STS: variants seen among roughly 807,000 people sequenced by gnomAD.
STS encodes the protein steroid sulfatase, also known as steryl-sulfatase.
STS carries 7 observed loss-of-function variants against 26.8 expected under a neutral mutation model. That is an observed-to-expected ratio of 0.26 (90% confidence interval 0.15 to 0.49). The LOEUF (loss-of-function observed/expected upper bound fraction) is 0.49, where lower values mean the gene tolerates loss of function less well. Among genes scored for constraint, STS ranks in the 20% least tolerant of loss-of-function variants. STS has a pLI of 0.98. For synonymous variants in STS, 199 were observed against 189.4 expected (o/e 1.05, Z -0.42); for missense variants, 434 against 465.6 (o/e 0.93, Z 0.63).
At chrX:7,238,773 A>G (rs1922451278) in intron 2 of STS, among the ~76,000 whole-genome samples, 2 of 111,165 alleles carry the variant, frequency 1.8e-5, no homozygotes, top group Admixed American at 1.9e-4. Context: ...TCAAGGCTGC[A>G]GTGAGCTGTG....
chrX:7,270,118 G>A (rs752273666), intron 6 of STS, among the ~76,000 whole-genome samples: 1 of 112,119 alleles, frequency 8.9e-6, no homozygotes, highest in Admixed American at 9.5e-5. Flanking sequence ...AACAAATGGA[G>A]CGCAGGCATG....
chrX:7,283,348 G>A (rs1485554894), intron 7 of STS, among the ~76,000 whole-genome samples: 2 of 111,850 alleles, frequency 1.8e-5, no homozygotes, highest in Non-Finnish European at 3.8e-5. Flanking sequence ...GAATTCAGGA[G>A]CAAAGAGCAT....
At chrX:7,348,770 C>T (rs1205473026) in intron 10 of STS, among the ~76,000 whole-genome samples, 2 of 111,337 alleles carry the variant, frequency 1.8e-5, no homozygotes, top group Non-Finnish European at 3.8e-5. Context: ...ATTTGGAATT[C>T]CTAGCAGCTT....
intron 7 of STS, among the ~76,000 whole-genome samples, chrX:7,291,125 C>T (rs1187079633): frequency 9.0e-6 from 1 of 111,394 alleles, no homozygotes; most frequent in Non-Finnish European, 1.9e-5. Flanking sequence ...ATAACTTTGT[C>T]ATCTGAGATC....
chrX:7,276,198 G>A lies in STS; in HGVS notation c.943+111G>A, dbSNP rs977656731. On this transcript the variant is annotated intron_variant, in intron 7 of 10. Coordinates refer to ENST00000674429, the MANE Select transcript of STS (RefSeq NM_001320752.2). ...CCTGATGCCTTTAGAGACAGCAAAT[G>A]TATGGGGTTTTTTGAAAGTAACCAA... is the stretch of plus-strand genomic sequence containing the variant. 22 of 1,022,466 alleles carry A rather than the reference G, an allele frequency of 2.2e-5. No homozygotes were observed. The African/African-American group carries it at 3.6e-4, about 17-fold the overall frequency. The allele number at this position is 1,022,466 out of a possible 1,213,427, so 84.3% of individuals were successfully genotyped here.
intron 2 of STS, among the ~76,000 whole-genome samples, chrX:7,244,967 A>G (rs1282298275): frequency 8.9e-6 from 1 of 112,368 alleles, no homozygotes; most frequent in Non-Finnish European, 1.9e-5. Context: ...TTATTTTAAA[A>G]TAAGAAAAGT....
At chrX:7,150,245 A>G (rs1430319185) in intron 1 of STS, among the ~76,000 whole-genome samples, 2 of 111,882 alleles carry the variant, frequency 1.8e-5, no homozygotes, top group African/African-American at 3.2e-5. Flanking sequence ...TTTATGAGAC[A>G]GAGTCTCACT....
At position 7,240,531 on chromosome X, in the gene STS, GTGTATATA is replaced by G. The variant is rs1314053378; in HGVS notation, c.-4-12663_-4-12656del. ...TGTGTGTGTGTGTGTGTGTGTGTGT[GTGTATATA>G]TATATATATATATAAAATGGATCCC... is the stretch of plus-strand genomic sequence containing the variant. On this transcript the variant is annotated intron_variant, in intron 2 of 10. Coordinates refer to ENST00000674429, the MANE Select transcript of STS (RefSeq NM_001320752.2). Among the ~76,000 whole-genome samples, 434 of 57,644 alleles carry G rather than the reference GTGTATATA, an allele frequency of 7.5e-3. 2 individuals are homozygous for G. The highest frequency in any genetic ancestry group is 0.011 in the Non-Finnish European group (353 of 33,390). 50.1% of individuals were successfully genotyped at this position (57,644 alleles called of 115,157 possible). A position where few individuals can be genotyped will look rare whatever the true frequency, so the allele number is the denominator to read the frequency against.
chrX:7,201,673 T>G (rs1477941674), intron 2 of STS, among the ~76,000 whole-genome samples: 2 of 110,326 alleles, frequency 1.8e-5, no homozygotes, highest in East Asian at 5.7e-4. Flanking sequence ...AAGTTGTTAT[T>G]GCTTCATGGT....
chrX:7,174,170 A>G (rs1015206800), intron 1 of STS, among the ~76,000 whole-genome samples: 2 of 111,769 alleles, frequency 1.8e-5, no homozygotes, highest in African/African-American at 6.5e-5. Flanking sequence ...ATGCGGCCCT[A>G]TAGGGTTTCT....
At chrX:7,153,124 G>T (rs780702374) in intron 1 of STS, among the ~76,000 whole-genome samples, 45 of 111,496 alleles carry the variant, frequency 4.0e-4, no homozygotes, top group African/African-American at 1.4e-3. Context: ...TCTGAGAGAG[G>T]GGCTCAGGCT....
chrX:7,250,049 T>C (rs1923063500), intron 2 of STS, among the ~76,000 whole-genome samples: 1 of 110,684 alleles, frequency 9.0e-6, no homozygotes. Context: ...TGCCTCAGCC[T>C]CTCGAGTAGC....
chrX:7,156,801 A>AT (rs1302590282), intron 1 of STS, among the ~76,000 whole-genome samples: 2 of 111,956 alleles, frequency 1.8e-5, no homozygotes, highest in African/African-American at 6.5e-5. Flanking sequence ...ACTATTCATG[A>AT]TTTTTTGTGT....
intron 10 of STS, among the ~76,000 whole-genome samples, chrX:7,335,621 C>G (rs1927981178): frequency 8.9e-6 from 1 of 112,040 alleles, no homozygotes; most frequent in Non-Finnish European, 1.9e-5. Flanking sequence ...AATTAGATCC[C>G]ATTTGTCAAT....
At chrX:7,285,774 C>CT (rs1369029329) in intron 7 of STS, among the ~76,000 whole-genome samples, 1 of 111,860 alleles carries the variant, frequency 8.9e-6, no homozygotes, top group Non-Finnish European at 1.9e-5. Context: ...ATAGGTCAGA[C>CT]TTTTTTCTTG....
intron 2 of STS, 123 bp from the exon 3 acceptor site, chrX:7,253,073 C>A (rs1349302199): frequency 3.6e-6 from 3 of 827,734 alleles, no homozygotes; most frequent in East Asian, 6.8e-5. Flanking sequence ...ATCGCTTAAA[C>A]CCAGGACTTC....
chrX:7,209,774 G>A (rs1434230747), intron 2 of STS, among the ~76,000 whole-genome samples: 5 of 108,962 alleles, frequency 4.6e-5, no homozygotes, highest in Admixed American at 3.0e-4. Flanking sequence ...GTTTCTTCCC[G>A]TCACCCCCAC....
intron 2 of STS, among the ~76,000 whole-genome samples, chrX:7,213,152 A>T (rs1000556775): frequency 4.5e-5 from 5 of 111,568 alleles, no homozygotes; most frequent in African/African-American, 1.6e-4. Context: ...GGTGAGAGGA[A>T]GTGAAAAGCC....
chrX:7,161,036 A>G (rs187443562), intron 1 of STS, among the ~76,000 whole-genome samples: 2 of 110,602 alleles, frequency 1.8e-5, no homozygotes, highest in East Asian at 2.8e-4. Flanking sequence ...GCTTACCACA[A>G]CCTCCACCTC....
Sources: gnomAD v4.1 joint callset for allele counts (sites outside exome capture counted in the v4.1 genomes callset) on GRCh38, gnomAD v4.1.1 for gene constraint, MANE v1.5 for transcripts, NCBI Gene and HGNC (gene_info 2026-07-23, HGNC 2026-07-21) for gene names.